Variants in CLSTN2 observed in about 807,000 individuals in gnomAD.
CLSTN2 encodes calsyntenin-2.
Under a neutral mutation model 101.2 loss-of-function variants are expected in CLSTN2, and 48 were observed. The observed-to-expected ratio is 0.47, with a 90% CI of 0.38 to 0.60. CLSTN2 has a LOEUF of 0.60. Among genes scored for constraint, CLSTN2 ranks in the 20% least tolerant of loss-of-function variants. CLSTN2 has a pLI of 0.00. For missense variants in CLSTN2, 1,160 were observed against 1,238.2 expected, an observed-to-expected ratio of 0.94 and a Z score of 0.95; for synonymous variants, 481 against 463.6, an observed-to-expected ratio of 1.04 and a Z score of -0.48.
At chr3:139,938,947 T>C (rs1340728514) in intron 1 of CLSTN2, among the ~76,000 whole-genome samples, 3 of 152,148 alleles carry the variant, frequency 2.0e-5, no homozygotes, top group African/African-American at 7.2e-5. Flanking sequence ...TTCTTTTTTT[T>C]TTAATTTTTA....
At chr3:140,503,104 T>C (rs1435423902) in intron 8 of CLSTN2, among the ~76,000 whole-genome samples, 2 of 152,204 alleles carry the variant, frequency 1.3e-5, no homozygotes, top group Non-Finnish European at 2.9e-5. Flanking sequence ...ATTCATCACA[T>C]CATGTCTGGC....
intron 5 of CLSTN2, among the ~76,000 whole-genome samples, chr3:140,428,897 A>G (rs1035269650): frequency 6.6e-6 from 1 of 152,102 alleles, no homozygotes; most frequent in African/African-American, 2.4e-5. Flanking sequence ...CGCTTCTCAA[A>G]CTCAAACATG....
intron 1 of CLSTN2, among the ~76,000 whole-genome samples, chr3:140,140,844 A>G (rs1576442639): frequency 6.6e-6 from 1 of 152,166 alleles, no homozygotes; most frequent in East Asian, 1.9e-4. Flanking sequence ...GTTGGATTGG[A>G]TTGAATTCCT....
chr3:140,222,592 A>G (rs1435651627), intron 2 of CLSTN2, among the ~76,000 whole-genome samples: 2 of 152,196 alleles, frequency 1.3e-5, no homozygotes, highest in Non-Finnish European at 2.9e-5. Context: ...CTGTAAATAT[A>G]TATACCTACT....
At chr3:140,464,627 A>G (rs1361425972) in intron 7 of CLSTN2, among the ~76,000 whole-genome samples, 1 of 152,238 alleles carries the variant, frequency 6.6e-6, no homozygotes, top group African/African-American at 2.4e-5. Context: ...AGGTTTGCCC[A>G]TCCATTCTTC....
At chr3:140,063,964 G>A (rs2008255130) in intron 1 of CLSTN2, among the ~76,000 whole-genome samples, 1 of 152,182 alleles carries the variant, frequency 6.6e-6, no homozygotes, top group South Asian at 2.1e-4. Flanking sequence ...TGGAGTGCTT[G>A]TGTTCAATCC....
chr3:140,145,374 T>C (rs1021564881), intron 1 of CLSTN2, among the ~76,000 whole-genome samples: 1 of 152,172 alleles, frequency 6.6e-6, no homozygotes, highest in Non-Finnish European at 1.5e-5. Context: ...ATAAAGTTTC[T>C]GGGGGAAATG....
intron 1 of CLSTN2, among the ~76,000 whole-genome samples, chr3:140,147,451 C>T (rs1025602387): frequency 1.3e-5 from 2 of 152,190 alleles, no homozygotes; most frequent in Admixed American, 6.5e-5. Context: ...CTATGATTGA[C>T]CCACACTCCT....
intron 2 of CLSTN2, among the ~76,000 whole-genome samples, chr3:140,197,115 C>T (rs1265188703): frequency 6.6e-6 from 1 of 152,194 alleles, no homozygotes; most frequent in Non-Finnish European, 1.5e-5. Flanking sequence ...CCCTGCCTGG[C>T]TTGCAAGCAC....
intron 1 of CLSTN2, among the ~76,000 whole-genome samples, chr3:140,048,345 G>A (rs561556842): frequency 2.6e-5 from 4 of 152,188 alleles, no homozygotes; most frequent in African/African-American, 9.7e-5. Flanking sequence ...AAGATCTCCA[G>A]TGAGATTTCT....
chr3:139,984,463 G>T (rs1385548583), intron 1 of CLSTN2, among the ~76,000 whole-genome samples: 3 of 152,140 alleles, frequency 2.0e-5, no homozygotes, highest in African/African-American at 7.2e-5. Flanking sequence ...CTCACTGCCT[G>T]CTCCAAGGAT....
chr3:140,522,638 C>A (rs2107774433), intron 8 of CLSTN2, among the ~76,000 whole-genome samples: 1 of 152,328 alleles, frequency 6.6e-6, no homozygotes, highest in Non-Finnish European at 1.5e-5. Flanking sequence ...CGCTAGAGCC[C>A]AACCTCACCT....
At chr3:140,496,140 T>A (rs1934460356) in intron 8 of CLSTN2, among the ~76,000 whole-genome samples, 1 of 152,258 alleles carries the variant, frequency 6.6e-6, no homozygotes, top group South Asian at 2.1e-4. Flanking sequence ...CTGACTTTCT[T>A]GAGCAGTGGT....
intron 2 of CLSTN2, among the ~76,000 whole-genome samples, chr3:140,381,448 C>T (rs115000979): frequency 3.5e-4 from 54 of 152,322 alleles, no homozygotes; most frequent in African/African-American, 1.3e-3. Flanking sequence ...GGAAACCATA[C>T]AGTGTCTTTG....
chr3:140,424,489 C>G (rs2088542601), intron 5 of CLSTN2, among the ~76,000 whole-genome samples: 1 of 152,212 alleles, frequency 6.6e-6, no homozygotes, highest in Non-Finnish European at 1.5e-5. Context: ...TCTTATATCC[C>G]TGGTCAGGGC....
chr3:140,278,309 T>C (rs2107894590), intron 2 of CLSTN2, among the ~76,000 whole-genome samples: 1 of 151,512 alleles, frequency 6.6e-6, no homozygotes, highest in South Asian at 2.1e-4. Context: ...GCCTCTTTTC[T>C]ACCCTTCTTT....
chr3:140,551,813 ATATATAT>A (rs917684711), intron 10 of CLSTN2, among the ~76,000 whole-genome samples: 3 of 139,162 alleles, frequency 2.2e-5, no homozygotes, highest in Non-Finnish European at 3.2e-5. Context: ...TTACATATAA[ATATATAT>A]TATATATTTA....
chr3:140,212,604 T>TA (rs1430071053), intron 2 of CLSTN2, among the ~76,000 whole-genome samples: 17 of 152,222 alleles, frequency 1.1e-4, no homozygotes, highest in Admixed American at 2.6e-4. Context: ...GGCTAAAGTC[T>TA]AAAGTTTGTA....
At chr3:140,496,875 G>T (rs1934477044) in intron 8 of CLSTN2, among the ~76,000 whole-genome samples, 1 of 152,080 alleles carries the variant, frequency 6.6e-6, no homozygotes. Flanking sequence ...GGCCGAGGCA[G>T]GTGGATCACC....
Sources: gnomAD v4.1 joint callset for allele counts (sites outside exome capture counted in the v4.1 genomes callset) on GRCh38, gnomAD v4.1.1 for gene constraint, MANE v1.5 for transcripts, NCBI Gene and HGNC (gene_info 2026-07-23, HGNC 2026-07-21) for gene names.